The following SYCP1 variants were observed in gnomAD, a reference collection of about 807,000 sequenced individuals.
SYCP1 encodes the protein cancer/testis antigen 8.
In SYCP1, 64 loss-of-function variants were observed where a neutral mutation model predicts 153.1. The observed-to-expected ratio is 0.42, with a 90% confidence interval of 0.34 to 0.51. The LOEUF (loss-of-function observed/expected upper bound fraction) is 0.51, where lower values mean the gene tolerates loss of function less well. Ranked by LOEUF, SYCP1 falls within the 20% of genes least tolerant of loss-of-function variation. SYCP1 has a pLI of 0.06. For synonymous variants in SYCP1, 384 were observed against 341.8 expected (o/e 1.12, Z -1.36); for missense variants, 997 against 1,049.0 (o/e 0.95, Z 0.68).
chr1:114,949,276 G>A (rs752882377), intron 27 of SYCP1, among the ~76,000 whole-genome samples: 15 of 152,150 alleles, frequency 9.9e-5, no homozygotes, highest in Admixed American at 1.3e-4. Flanking sequence ...ATACTATAAT[G>A]AGGAAAAAAT....
chr1:114,912,919 A>G (rs936672451), intron 18 of SYCP1, 114 bp from the exon 19 acceptor site: 10 of 674,554 alleles, frequency 1.5e-5, no homozygotes, highest in Non-Finnish European at 2.5e-5. Flanking sequence ...ATTTTGTTTC[A>G]TGTTTTTCCC....
chr1:114,990,920 T>C (rs1673871706), intron 30 of SYCP1, among the ~76,000 whole-genome samples: 1 of 151,938 alleles, frequency 6.6e-6, no homozygotes, highest in South Asian at 2.1e-4. Flanking sequence ...ACAGGGAATT[T>C]CCCACAGGGT....
chr1:114,880,495 G>C (rs901916415), intron 12 of SYCP1, among the ~76,000 whole-genome samples: 2 of 152,146 alleles, frequency 1.3e-5, no homozygotes, highest in African/African-American at 4.8e-5. Context: ...AGAGAAATTG[G>C]GGGTATGTTG....
chr1:114,892,582 G>A (rs569835940), intron 15 of SYCP1, among the ~76,000 whole-genome samples: 134 of 152,238 alleles, frequency 8.8e-4, no homozygotes, highest in African/African-American at 3.0e-3. Flanking sequence ...GTTTGCAAAT[G>A]TGTGATGGCC....
Position 114,886,302 on chromosome 1 carries a change from C to G in SYCP1, c.1183C>G (p.Gln395Glu). The change falls in exon 14 of 32, where the codon CAG becomes GAG. Residue 395 changes from glutamine (Q) to glutamate (E), a missense_variant. This residue lies in a region of SYCP1 where 712 missense variants were observed against 682.9 expected (regional missense o/e 1.04). Transcript: ENST00000369522. Reference protein sequence around the residue: ...CSLEELLRTEQQRLEKNEDQL... With the variant: ...CSLEELLRTEEQRLEKNEDQL... ...CTTGGAAGAATTATTGAGAACAGAA[C>G]AGCAAAGGTAAAATATTTATTATTT... 1 of 1,537,388 alleles carries G rather than the reference C, an allele frequency of 6.5e-7. No homozygotes were observed. Among genetic ancestry groups the G allele is most frequent in the Non-Finnish European group, 8.7e-7 (1 of 1,145,934 alleles).
At chr1:114,940,375 G>A (rs1670309806) in intron 23 of SYCP1, among the ~76,000 whole-genome samples, 1 of 152,120 alleles carries the variant, frequency 6.6e-6, no homozygotes, top group Admixed American at 6.5e-5. Context: ...GAGGTTACAG[G>A]TGTGAGCCAC....
intron 20 of SYCP1, among the ~76,000 whole-genome samples, chr1:114,920,619 T>C (rs889405958): frequency 6.6e-6 from 1 of 152,162 alleles, no homozygotes; most frequent in African/African-American, 2.4e-5. Context: ...TATCTCTCTT[T>C]AGCTCTAATA....
chr1:114,896,566 C>T (rs886495945), intron 16 of SYCP1, among the ~76,000 whole-genome samples: 2 of 152,124 alleles, frequency 1.3e-5, no homozygotes, highest in African/African-American at 4.8e-5. Flanking sequence ...GACTCCTTAC[C>T]TAGCATAGTG....
intron 30 of SYCP1, among the ~76,000 whole-genome samples, chr1:114,991,554 G>A (rs1208759167): frequency 1.3e-5 from 2 of 151,712 alleles, no homozygotes; most frequent in Admixed American, 6.6e-5. Context: ...GGAAAAAATA[G>A]CCATATCATC....
At chr1:114,886,636 A>T (rs1432339042) in intron 14 of SYCP1, among the ~76,000 whole-genome samples, 1 of 152,108 alleles carries the variant, frequency 6.6e-6, no homozygotes, top group African/African-American at 2.4e-5. Flanking sequence ...TTAGCTTCCT[A>T]GAAGTAGCTT....
chr1:114,914,509 A>C (rs1481157078), intron 20 of SYCP1, among the ~76,000 whole-genome samples: 1 of 152,114 alleles, frequency 6.6e-6, no homozygotes, highest in Non-Finnish European at 1.5e-5. Context: ...CATTAGTTGA[A>C]GGTCTTACAT....
chr1:114,947,352 T>A (rs751001194), intron 27 of SYCP1, 32 bp downstream of exon 27: 1 of 1,552,160 alleles, frequency 6.4e-7, no homozygotes, highest in Non-Finnish European at 8.8e-7. Context: ...ATAAAATGAT[T>A]ACAAGGTTTA....
At chr1:114,988,577 TGAA>T (rs1293544759) in intron 30 of SYCP1, among the ~76,000 whole-genome samples, 1 of 151,866 alleles carries the variant, frequency 6.6e-6, no homozygotes, top group Non-Finnish European at 1.5e-5. Flanking sequence ...TCATTCAAAA[TGAA>T]GAAGAAATTG....
intron 15 of SYCP1, among the ~76,000 whole-genome samples, chr1:114,891,713 A>G (rs1666710591): frequency 6.6e-6 from 1 of 152,122 alleles, no homozygotes; most frequent in African/African-American, 2.4e-5. Context: ...TTGGTATGTA[A>G]CAGATTCCCC....
In SYCP1 at chr1:114,857,266, G is replaced by A. The variant is rs1263211467; in HGVS notation, c.228G>A (p.Val76=). 1.2e-6 allele frequency: 2 copies of A among 1,602,942 alleles called. No individual in the cohort carries two copies. Among genetic ancestry groups the A allele is most frequent in the East Asian group, 2.2e-5 (1 of 44,696 alleles). Reference sequence around the variant, plus strand: ...TACAAAAAGTTAATTTCTTGCCCGTGCTTGAGCAGGTCAGTTAAGCATAGT... The same window carrying A: ...TACAAAAAGTTAATTTCTTGCCCGTACTTGAGCAGGTCAGTTAAGCATAGT... The part of the protein sequence containing the change: ...PALQKVNFLP[V]LEQVGNSDCH... The change falls in exon 4 of 32, where the codon GTG becomes GTA. Residue 76 remains valine, a synonymous_variant. Coordinates refer to ENST00000369522, the MANE Select transcript of SYCP1 (RefSeq NM_003176.4).
At position 114,917,082 on chromosome 1, in the gene SYCP1, C is replaced by T. The variant is rs184890915; in HGVS notation, c.1718+3037C>T. On this transcript the variant is annotated intron_variant, in intron 20 of 31. Coordinates refer to ENST00000369522, the MANE Select transcript of SYCP1 (RefSeq NM_003176.4). ...AATCACCTTGTTGTGCTATTAAATA[C>T]TAGATGTGATTCACTTTCTATTTTT... 3.5e-3 allele frequency among the ~76,000 whole-genome samples: 535 copies of T among 152,102 alleles called. 4 individuals are homozygous for T. The highest frequency in any genetic ancestry group is 6.7e-3 in the Admixed American group (102 of 15,248).
chr1:114,972,956 G>T (rs1003528599), intron 27 of SYCP1, among the ~76,000 whole-genome samples: 6 of 152,038 alleles, frequency 3.9e-5, no homozygotes, highest in Non-Finnish European at 7.4e-5. Context: ...TAGTTTTCTT[G>T]TTATGTATTT....
chr1:114,939,310 A>G (rs1467128158), intron 23 of SYCP1, among the ~76,000 whole-genome samples: 1 of 152,224 alleles, frequency 6.6e-6, no homozygotes, highest in African/African-American at 2.4e-5. Flanking sequence ...TTTACTTAAA[A>G]TAAATGGAAA....
chr1:114,928,884 G>A (rs1295896063), intron 23 of SYCP1, among the ~76,000 whole-genome samples: 1 of 152,158 alleles, frequency 6.6e-6, no homozygotes, highest in Non-Finnish European at 1.5e-5. Flanking sequence ...AAATACCACA[G>A]ACTGGGTGGC....
Sources: gnomAD v4.1 joint callset for allele counts (sites outside exome capture counted in the v4.1 genomes callset) on GRCh38, gnomAD v4.1.1 for gene constraint, gnomAD v4.1.1 regional missense constraint, MANE v1.5 for transcripts, NCBI Gene and HGNC (gene_info 2026-07-23, HGNC 2026-07-21) for gene names.